IQSEC1: variants seen among roughly 807,000 people sequenced by gnomAD.
IQSEC1 encodes IQ motif and Sec7 domain ArfGEF 1, also known as IQ motif and SEC7 domain-containing protein 1.
A neutral mutation model predicts 91.0 loss-of-function variants in IQSEC1; 31 were observed. That is an observed-to-expected ratio of 0.34 (90% CI 0.26 to 0.46). The LOEUF is 0.46. Ranked by LOEUF, IQSEC1 falls within the 20% of genes least tolerant of loss-of-function variation. IQSEC1 has a pLI of 1.00. For missense variants in IQSEC1, 1,388 were observed against 1,575.6 expected, an observed-to-expected ratio of 0.88 and a Z score of 2.02; for synonymous variants, 699 against 662.6, an observed-to-expected ratio of 1.05 and a Z score of -0.84.
In IQSEC1 at chr3:13,103,758, C is replaced by A. The variant is rs906238419; in HGVS notation, c.303-56236G>T. Among the ~76,000 whole-genome samples, 2 of 152,118 alleles carry A rather than the reference C, an allele frequency of 1.3e-5. No homozygotes were observed. Among genetic ancestry groups the A allele is most frequent in the South Asian group, 2.1e-4 (1 of 4,824 alleles). On this transcript the variant is annotated intron_variant, in intron 2 of 15. Transcript: ENST00000648114. The surrounding 1 kb of genome is among the most constrained non-coding windows in gnomAD (Gnocchi z 4.1). ...GCGCCTCCTACCCCTGGGAGCTCCC[C>A]GGTATTCCATGTTGCCTACCACCCT...
chr3:12,915,000 C>G, intron 8 of IQSEC1, 104 bp downstream of exon 8: 1 of 1,166,854 alleles, frequency 8.6e-7, no homozygotes, highest in Non-Finnish European at 1.2e-6. Flanking sequence ...CTCAAGCAGC[C>G]AGCACTTGGG....
intron 1 of IQSEC1, among the ~76,000 whole-genome samples, chr3:13,186,590 C>T (rs1448145070): frequency 6.6e-6 from 1 of 152,194 alleles, no homozygotes; most frequent in Non-Finnish European, 1.5e-5. Context: ...CTACAGCTGC[C>T]TGAAAGCCAC....
chr3:13,069,824 T>A (rs1178057285), intron 1 of IQSEC1, among the ~76,000 whole-genome samples: 1 of 152,230 alleles, frequency 6.6e-6, no homozygotes, highest in African/African-American at 2.4e-5. Context: ...TCAGACACCA[T>A]TCATGAAGCT....
chr3:13,123,098 A>C (rs1474910666), intron 2 of IQSEC1, among the ~76,000 whole-genome samples: 2 of 152,236 alleles, frequency 1.3e-5, no homozygotes, highest in African/African-American at 4.8e-5. Context: ...AGACAATTAC[A>C]TGTCAAATAA....
chr3:13,191,427 G>T (rs575818020), intron 1 of IQSEC1, among the ~76,000 whole-genome samples: 1 of 150,978 alleles, frequency 6.6e-6, no homozygotes, highest in African/African-American at 2.4e-5. Context: ...CAGGACTCGT[G>T]AGCACATGTG....
At chr3:12,911,457 C>T (rs1021505392) in intron 10 of IQSEC1, among the ~76,000 whole-genome samples, 172 bp downstream of exon 10, 1 of 152,226 alleles carries the variant, frequency 6.6e-6, no homozygotes, top group Admixed American at 6.5e-5. Flanking sequence ...TGATGGGCCT[C>T]TTGAGGGTCT....
intron 1 of IQSEC1, among the ~76,000 whole-genome samples, chr3:13,218,755 G>C (rs1055933277): frequency 1.3e-5 from 2 of 152,260 alleles, no homozygotes; most frequent in African/African-American, 2.4e-5. Context: ...CAGGCAATGG[G>C]GGAGCCATTG....
chr3:12,976,358 C>T (rs935894405), intron 1 of IQSEC1, among the ~76,000 whole-genome samples: 1 of 152,176 alleles, frequency 6.6e-6, no homozygotes, highest in Non-Finnish European at 1.5e-5. Context: ...CTTGCCTTTT[C>T]CCCACCTCTT....
chr3:12,950,257 T>G (rs1335114625), intron 1 of IQSEC1, among the ~76,000 whole-genome samples: 1 of 152,236 alleles, frequency 6.6e-6, no homozygotes, highest in African/African-American at 2.4e-5. Context: ...CTTCTAGTCC[T>G]TCCCATTCTG....
chr3:13,134,221 G>A (rs1706670679), intron 2 of IQSEC1, among the ~76,000 whole-genome samples: 1 of 152,224 alleles, frequency 6.6e-6, no homozygotes. Flanking sequence ...GGCTGGAGCT[G>A]GGGGCCAGAT....
At chr3:13,129,189 T>C (rs966018435) in intron 2 of IQSEC1, among the ~76,000 whole-genome samples, 1 of 152,210 alleles carries the variant, frequency 6.6e-6, no homozygotes, top group Non-Finnish European at 1.5e-5. Context: ...CTATTTACTA[T>C]TGAGATTTGT....
exon 1 of IQSEC1, among the ~76,000 whole-genome samples, chr3:13,283,098 C>CCCCGCCTCGGCT (rs1408167306): frequency 2.1e-5 from 3 of 144,486 alleles, no homozygotes; most frequent in Admixed American, 1.4e-4. Flanking sequence ...GCTGCCGCGG[C>CCCCGCCTCGGCT]CCCGCCTCGG....
chr3:12,900,710 C>T lies in IQSEC1; in HGVS notation c.*273G>A, dbSNP rs746653915. The T allele has an allele frequency of 3.8e-5, 53 of 1,383,722 alleles. No individual in the cohort carries two copies. Among genetic ancestry groups the T allele is most frequent in the Non-Finnish European group, 5.0e-5 (53 of 1,069,516 alleles). 85.7% of individuals were successfully genotyped at this position (1,383,722 alleles called of 1,614,324 possible). A position where few individuals can be genotyped will look rare whatever the true frequency, so the allele number is the denominator to read the frequency against. The stretch of plus-strand genomic sequence containing the variant: ...AGGCAGTTCAACACTACTTGGCTGG[C>T]TCACCGTTTCAAGGCTGATGGTGTC... On this transcript the variant is annotated 3_prime_UTR_variant, in exon 14 of 14. Transcript: ENST00000613206.
intron 1 of IQSEC1, among the ~76,000 whole-genome samples, chr3:13,164,283 G>C (rs1341942350): frequency 3.3e-5 from 5 of 152,132 alleles, no homozygotes; most frequent in African/African-American, 1.2e-4. Flanking sequence ...CAATCCTCCG[G>C]GGTCTCTTGC....
chr3:13,010,422 G>T (rs898769097), intron 1 of IQSEC1, among the ~76,000 whole-genome samples: 4 of 152,162 alleles, frequency 2.6e-5, no homozygotes, highest in African/African-American at 9.7e-5. Context: ...ATGGGTATGT[G>T]GTCTAAGCTA....
intron 8 of IQSEC1, among the ~76,000 whole-genome samples, 172 bp from the exon 9 acceptor site, chr3:12,913,725 G>T (rs1202833604): frequency 6.6e-6 from 1 of 152,218 alleles, no homozygotes; most frequent in Non-Finnish European, 1.5e-5. Flanking sequence ...TTGGCTCATG[G>T]CAGTTTCCCG....
At chr3:12,902,370 C>A (rs1043647696) in intron 13 of IQSEC1, among the ~76,000 whole-genome samples, 3 of 152,052 alleles carry the variant, frequency 2.0e-5, no homozygotes, top group African/African-American at 7.2e-5. Flanking sequence ...AAACATCCAA[C>A]AGCAAGTGTG....
intron 2 of IQSEC1, among the ~76,000 whole-genome samples, chr3:13,135,073 G>A (rs1164763137): frequency 6.6e-6 from 1 of 152,076 alleles, no homozygotes; most frequent in African/African-American, 2.4e-5. Flanking sequence ...GCAGGGGTCT[G>A]CTGAGGGAGG....
chr3:12,967,538 C>T lies in IQSEC1; in HGVS notation c.24-25673G>A. 1 of 1,379,720 alleles carries T rather than the reference C, an allele frequency of 7.2e-7. No individual in the cohort carries two copies. Among genetic ancestry groups the T allele is most frequent in the South Asian group, 1.6e-5 (1 of 60,788 alleles). The allele number at this position is 1,379,720 out of a possible 1,614,324, so 85.5% of individuals were successfully genotyped here. On this transcript the variant is annotated intron_variant, in intron 1 of 13. Transcript: ENST00000613206. The surrounding 1 kb of genome is among the most constrained non-coding windows in gnomAD (Gnocchi z 5.9). ...GACTCCCGCCAGCGAGCCGCCGGAT[C>T]CCGGGGCCGACACCCGGCCACCCGG...
Sources: gnomAD v4.1 joint callset for allele counts (sites outside exome capture counted in the v4.1 genomes callset) on GRCh38, gnomAD v4.1.1 for gene constraint, Gnocchi (gnomAD v3.1) non-coding constraint, MANE v1.5 for transcripts, NCBI Gene and HGNC (gene_info 2026-07-23, HGNC 2026-07-21) for gene names.